Variants in ATP6V0A2 observed in about 807,000 individuals in gnomAD.
ATP6V0A2 encodes the protein V-type proton ATPase 116 kDa subunit a 2.
ATP6V0A2 carries 58 observed loss-of-function variants against 104.4 expected under a neutral mutation model. The ratio of observed to expected loss-of-function variants is 0.56; its 90% CI spans 0.45 to 0.69. ATP6V0A2 has a LOEUF of 0.69. ATP6V0A2 is among the 30% of genes least tolerant of loss of function. ATP6V0A2 has a pLI of 0.00. For missense variants in ATP6V0A2, 938 were observed against 1,062.9 expected (o/e 0.88, Z 1.63); for synonymous variants, 376 against 397.9 (o/e 0.95, Z 0.65).
At position 123,761,260 on chromosome 12, in the gene ATP6V0A2, G is replaced by C. The variant is rs908353787; in HGVS notation, c.*3228G>C. On this transcript the variant is annotated 3_prime_UTR_variant, in exon 20 of 20. Transcript: ENST00000330342. ...TACCTGTAGCATAGGTCAGCCTTAC[G>C]ATGTCCATGAATTACATATTCAGAC... is the stretch of plus-strand genomic sequence containing the variant. 1 of 152,162 alleles carries C rather than the reference G, an allele frequency of 6.6e-6. No homozygotes were observed. Among genetic ancestry groups the C allele is most frequent in the Non-Finnish European group, 1.5e-5 (1 of 68,040 alleles). 9.4% of individuals were successfully genotyped at this position (152,162 alleles called of 1,614,324 possible). A position where few individuals can be genotyped will look rare whatever the true frequency, so the allele number is the denominator to read the frequency against.
chr12:123,726,814 G>A (rs1490951614), intron 5 of ATP6V0A2, among the ~76,000 whole-genome samples: 1 of 152,196 alleles, frequency 6.6e-6, no homozygotes, highest in Non-Finnish European at 1.5e-5. Flanking sequence ...CCTCCAGAGA[G>A]AATTTGTTTT....
chr12:123,746,885 A>G (rs1159635535), intron 13 of ATP6V0A2, among the ~76,000 whole-genome samples: 1 of 151,612 alleles, frequency 6.6e-6, no homozygotes, highest in African/African-American at 2.4e-5. Context: ...GTGAACCAAG[A>G]TTGCGCCACT....
intron 3 of ATP6V0A2, chr12:123,723,083 T>C (rs1026686260): frequency 6.5e-6 from 1 of 152,726 alleles, no homozygotes; most frequent in African/African-American, 2.4e-5. Context: ...TTGATAACTC[T>C]TCTAAAACAA....
intron 13 of ATP6V0A2, among the ~76,000 whole-genome samples, chr12:123,745,731 G>A (rs1206851673): frequency 6.6e-6 from 1 of 151,554 alleles, no homozygotes; most frequent in East Asian, 1.9e-4. Context: ...AAAGAAAATG[G>A]AGAAGTAGCC....
chr12:123,751,026 T>C, intron 15 of ATP6V0A2, 84 bp from the exon 16 acceptor site: 2 of 1,578,058 alleles, frequency 1.3e-6, no homozygotes, highest in South Asian at 1.1e-5. Context: ...CATTGTTCGA[T>C]CTTTCCTGAT....
chr12:123,738,277 C>G (rs771239521), intron 9 of ATP6V0A2, among the ~76,000 whole-genome samples: 3 of 151,998 alleles, frequency 2.0e-5, no homozygotes, highest in Non-Finnish European at 2.9e-5. Flanking sequence ...TGGCACATGC[C>G]TGTAATCCCA....
intron 9 of ATP6V0A2, chr12:123,737,746 G>A (rs928935943): frequency 1.1e-5 from 2 of 182,670 alleles, no homozygotes; most frequent in East Asian, 2.7e-4. Flanking sequence ...TCCACTCAAA[G>A]ATAACCATTA....
intron 9 of ATP6V0A2, among the ~76,000 whole-genome samples, chr12:123,743,285 A>G (rs1593909422): frequency 6.6e-6 from 1 of 152,158 alleles, no homozygotes; most frequent in East Asian, 1.9e-4. Flanking sequence ...CTTTTCCTCC[A>G]GGCCCTCTGG....
intron 18 of ATP6V0A2, chr12:123,754,859 T>C (rs1375693276): frequency 1.0e-5 from 4 of 386,636 alleles, no homozygotes; most frequent in Non-Finnish European, 1.9e-5. Context: ...AAGCACTTGC[T>C]ACTGTTGCCA....
chr12:123,737,336 A>AG, intron 9 of ATP6V0A2, 65 bp downstream of exon 9: 1 of 1,510,494 alleles, frequency 6.6e-7, no homozygotes, highest in Non-Finnish European at 9.2e-7. Context: ...ATAAATTCAG[A>AG]GAAAAAAAGG....
rs183811865 is a variant in ATP6V0A2 at position 123,717,063 on chromosome 12, C to T, written c.118-1560C>T. Among the ~76,000 whole-genome samples, 6 of 152,132 alleles carry T rather than the reference C, an allele frequency of 3.9e-5. No individual in the cohort carries two copies. In the East Asian group the frequency reaches 9.7e-4, roughly 25 times the overall value. Reference sequence around the variant, plus strand: ...GGCGTGGTGGCTCACGCCTGTAATCCTAGCATTTTGGGAGGCCGAGGTGGG... The same window carrying T: ...GGCGTGGTGGCTCACGCCTGTAATCTTAGCATTTTGGGAGGCCGAGGTGGG... On this transcript the variant is annotated intron_variant, in intron 1 of 19. Coordinates refer to ENST00000330342, the MANE Select transcript of ATP6V0A2 (RefSeq NM_012463.4).
At chr12:123,754,571 C>G (rs762816872) in intron 18 of ATP6V0A2, 34 bp downstream of exon 18, 91 of 1,445,988 alleles carry the variant, frequency 6.3e-5, no homozygotes, top group Non-Finnish European at 8.8e-5. Flanking sequence ...GTTCCCAATG[C>G]CCTGTAGTGC....
At chr12:123,748,806 C>G in intron 15 of ATP6V0A2, 21 bp downstream of exon 15, 2 of 1,593,576 alleles carry the variant, frequency 1.3e-6, no homozygotes, top group Non-Finnish European at 8.6e-7. Flanking sequence ...TTCCCACCCT[C>G]ATGAACTTAA....
At chr12:123,726,386 G>A in intron 5 of ATP6V0A2, 101 bp downstream of exon 5, 1 of 840,256 alleles carries the variant, frequency 1.2e-6, no homozygotes, top group Admixed American at 1.8e-5. Context: ...TTAAAGCCTA[G>A]GGTTGAATGA....
At chr12:123,726,123 G>T in intron 4 of ATP6V0A2, 74 bp from the exon 5 acceptor site, 1 of 1,226,134 alleles carries the variant, frequency 8.2e-7, no homozygotes, top group South Asian at 1.2e-5. Flanking sequence ...CTATAAACTT[G>T]TTTGAAAATT....
At chr12:123,735,841 ATT>A (rs2135900184) in intron 8 of ATP6V0A2, among the ~76,000 whole-genome samples, 1 of 152,218 alleles carries the variant, frequency 6.6e-6, no homozygotes, top group East Asian at 1.9e-4. Context: ...TTAAAAAAAG[ATT>A]CTGTGGTCAC....
intron 13 of ATP6V0A2, 66 bp downstream of exon 13, chr12:123,745,038 C>T (rs981391771): frequency 1.1e-5 from 17 of 1,483,250 alleles, no homozygotes; most frequent in South Asian, 2.3e-5. Flanking sequence ...TCGGGCGCCA[C>T]GAGTTTCTCT....
chr12:123,744,336 A>C lies in ATP6V0A2; in HGVS notation c.1325A>C (p.Glu442Ala), dbSNP rs767795849. ...CATCCCAGACTAAATCAGTCACAAG[A>C]GGTAAAAATATAAACACTCCAGCTC... Reference protein sequence around the residue: ...ENHPRLNQSQEIMRMFFNGRY... With the variant: ...ENHPRLNQSQAIMRMFFNGRY... Residue 442 changes from glutamate to alanine, a missense_variant and splice_region_variant, in exon 11 of 20, where the codon GAG becomes GCG. Transcript: ENST00000330342. The surrounding 1 kb of genome is among the most constrained non-coding windows in gnomAD (Gnocchi z 5.4). 5.6e-6 allele frequency: 9 copies of C among 1,614,178 alleles called. No homozygotes were observed. The highest frequency in any genetic ancestry group is 7.6e-6 in the Non-Finnish European group (9 of 1,180,026).
intron 2 of ATP6V0A2, among the ~76,000 whole-genome samples, chr12:123,720,885 A>G (rs1454752696): frequency 1.3e-5 from 2 of 152,160 alleles, no homozygotes; most frequent in Non-Finnish European, 2.9e-5. Flanking sequence ...AAAAGAATAA[A>G]TTGAAGTATA....
Sources: gnomAD v4.1 joint callset for allele counts (sites outside exome capture counted in the v4.1 genomes callset) on GRCh38, gnomAD v4.1.1 for gene constraint, Gnocchi (gnomAD v3.1) non-coding constraint, MANE v1.5 for transcripts, NCBI Gene and HGNC (gene_info 2026-07-23, HGNC 2026-07-21) for gene names.